The following USP37 variants were observed in gnomAD, a reference collection of about 807,000 sequenced individuals.
USP37 encodes ubiquitin specific peptidase 37.
A neutral mutation model predicts 124.0 loss-of-function variants in USP37; 27 were observed. The ratio of observed to expected loss-of-function variants is 0.22; its 90% CI spans 0.16 to 0.30. USP37 has a LOEUF of 0.30. USP37 is among the 10% of genes least tolerant of loss of function. The pLI, the probability that USP37 is intolerant of heterozygous loss-of-function variation, is 1.00. For synonymous variants in USP37, 365 were observed against 388.0 expected (o/e 0.94, Z 0.70); for missense variants, 889 against 1,140.4 (o/e 0.78, Z 3.17).
chr2:218,506,716 G>A (rs1689701344), intron 11 of USP37, among the ~76,000 whole-genome samples: 1 of 141,202 alleles, frequency 7.1e-6, no homozygotes, highest in Admixed American at 7.4e-5. Context: ...TTTTCAATAT[G>A]TCTTTTCTTC....
In USP37 at chr2:218,489,226, C is replaced by T. The variant is rs184215481; in HGVS notation, c.1473-805G>A. 7.1e-3 allele frequency among the ~76,000 whole-genome samples: 1,077 copies of T among 150,636 alleles called. 12 individuals are homozygous for T. Among genetic ancestry groups the T allele is most frequent in the African/African-American group, 0.025 (1,029 of 41,206 alleles). The stretch of plus-strand genomic sequence containing the variant: ...TACAAAAATTAGCCAGGCGAGGTGG[C>T]GCGTGCCTGTAATCCCAGCTACTTG... On this transcript the variant is annotated intron_variant, in intron 14 of 25. Transcript: ENST00000258399.
At chr2:218,567,497 C>A (rs892115959) in intron 1 of USP37, among the ~76,000 whole-genome samples, 1 of 152,160 alleles carries the variant, frequency 6.6e-6, no homozygotes, top group Non-Finnish European at 1.5e-5. Flanking sequence ...TCCAAACCCA[C>A]TATATCCAAC....
chr2:218,526,221 G>A (rs1358582935), intron 10 of USP37, among the ~76,000 whole-genome samples: 2 of 152,020 alleles, frequency 1.3e-5, no homozygotes, highest in African/African-American at 4.8e-5. Flanking sequence ...GGATTGCTGG[G>A]TTGAATGGTT....
intron 20 of USP37, among the ~76,000 whole-genome samples, chr2:218,467,236 C>A (rs897738174): frequency 6.6e-6 from 1 of 150,930 alleles, no homozygotes; most frequent in Non-Finnish European, 1.5e-5. Flanking sequence ...GCAACCTCCA[C>A]CTCTTTCAGG....
chr2:218,548,465 G>A (rs766747118), intron 6 of USP37, among the ~76,000 whole-genome samples: 11 of 151,876 alleles, frequency 7.2e-5, no homozygotes, highest in Non-Finnish European at 1.3e-4. Flanking sequence ...CCCAGTCTTC[G>A]AAGCAGCTGG....
At chr2:218,481,646 A>G (rs781313628) in intron 17 of USP37, among the ~76,000 whole-genome samples, 2 of 151,770 alleles carry the variant, frequency 1.3e-5, no homozygotes, top group Non-Finnish European at 2.9e-5. Context: ...GCAAAATTAA[A>G]ATCTCCTTCT....
intron 9 of USP37, among the ~76,000 whole-genome samples, chr2:218,534,397 G>A (rs1006483777): frequency 1.3e-5 from 2 of 152,182 alleles, no homozygotes; most frequent in Non-Finnish European, 2.9e-5. Flanking sequence ...GCTGAGGCAG[G>A]AGAATCACTT....
intron 10 of USP37, among the ~76,000 whole-genome samples, chr2:218,520,705 C>T (rs1475302449): frequency 6.6e-6 from 1 of 152,220 alleles, no homozygotes; most frequent in Admixed American, 6.5e-5. Flanking sequence ...TTACCAAGAT[C>T]CAACCAAAGT....
intron 8 of USP37, among the ~76,000 whole-genome samples, chr2:218,545,675 TAGA>T (rs1225764463): frequency 6.6e-6 from 1 of 150,376 alleles, no homozygotes; most frequent in Non-Finnish European, 1.5e-5. Context: ...TTTTCTCCCC[TAGA>T]AGACAAAAAA....
At chr2:218,463,853 G>GTT (rs1559162855) in intron 21 of USP37, among the ~76,000 whole-genome samples, 7 of 129,250 alleles carry the variant, frequency 5.4e-5, no homozygotes, top group Admixed American at 3.2e-4. Flanking sequence ...TATTTTTTAA[G>GTT]ATTTTTTTTT....
chr2:218,538,258 T>G (rs1691767090), intron 8 of USP37, among the ~76,000 whole-genome samples: 1 of 152,120 alleles, frequency 6.6e-6, no homozygotes, highest in African/African-American at 2.4e-5. Context: ...GTGCAGAGCT[T>G]GGAGGGATGC....
intron 8 of USP37, among the ~76,000 whole-genome samples, chr2:218,544,883 G>A (rs1464775562): frequency 6.6e-6 from 1 of 152,180 alleles, no homozygotes; most frequent in Non-Finnish European, 1.5e-5. Context: ...ATGAGGTCTG[G>A]AGTGGGGAAT....
Position 218,549,896 on chromosome 2 carries a change from A to G in USP37, c.342T>C (p.Ser114=). 1 of 1,604,730 alleles carries G rather than the reference A, an allele frequency of 6.2e-7. No individual in the cohort carries two copies. The change falls in exon 6 of 26, where the codon TCT becomes TCC. Residue 114 remains serine (S), a synonymous_variant. Transcript: ENST00000258399. ...QNRLPAAMKP[S]QGSGSFGAIL... ...TGGCTCCAAAACTACCAGACCCCTG[A>G]GACGGTTTCATGGCTGGTGACCAAA...
At chr2:218,536,275 T>C (rs1691641465) in intron 8 of USP37, among the ~76,000 whole-genome samples, 1 of 152,180 alleles carries the variant, frequency 6.6e-6, no homozygotes, top group African/African-American at 2.4e-5. Flanking sequence ...AGTGCTAATT[T>C]AAGGGGAACC....
At chr2:218,543,235 C>T (rs1574947234) in intron 8 of USP37, among the ~76,000 whole-genome samples, 1 of 152,022 alleles carries the variant, frequency 6.6e-6, no homozygotes, top group East Asian at 1.9e-4. Flanking sequence ...GGCATGGTGG[C>T]TCATGCCTAT....
At chr2:218,564,503 C>T (rs1218484071) in intron 1 of USP37, among the ~76,000 whole-genome samples, 2 of 152,140 alleles carry the variant, frequency 1.3e-5, no homozygotes, top group African/African-American at 2.4e-5. Flanking sequence ...TTATGGCAAC[C>T]CCTTCCCTTT....
chr2:218,544,288 T>C (rs1231574813), intron 8 of USP37, among the ~76,000 whole-genome samples: 1 of 148,682 alleles, frequency 6.7e-6, no homozygotes, highest in Non-Finnish European at 1.5e-5. Flanking sequence ...GCTGAGGCAG[T>C]GCTTCAACCT....
rs114419098 is a variant in USP37, at chr2:218,535,444, G to A, written c.681-738C>T. On this transcript the variant is annotated intron_variant, in intron 8 of 25. Transcript: ENST00000258399. Reference sequence around the variant, plus strand: ...AAAAACAAATCAGGCTGGGCGCGGTGGCTCAAGCCTTAATCCTAGCAGCTT... The same window carrying A: ...AAAAACAAATCAGGCTGGGCGCGGTAGCTCAAGCCTTAATCCTAGCAGCTT... Among the ~76,000 whole-genome samples, 979 of 151,916 alleles carry A rather than the reference G, an allele frequency of 6.4e-3. 11 individuals carry two copies. The highest frequency in any genetic ancestry group is 0.023 in the African/African-American group (941 of 41,414).
chr2:218,512,416 GA>G (rs1164137940), intron 10 of USP37, among the ~76,000 whole-genome samples: 1 of 152,136 alleles, frequency 6.6e-6, no homozygotes, highest in Non-Finnish European at 1.5e-5. Context: ...GCTGAGGCAG[GA>G]GAACTGCTTG....
Sources: gnomAD v4.1 joint callset for allele counts (sites outside exome capture counted in the v4.1 genomes callset) on GRCh38, gnomAD v4.1.1 for gene constraint, MANE v1.5 for transcripts, NCBI Gene and HGNC (gene_info 2026-07-23, HGNC 2026-07-21) for gene names.